Variants in MAP3K5 observed in about 807,000 individuals in gnomAD.
The protein encoded by MAP3K5 is ASK-1.
Under a neutral mutation model 158.7 loss-of-function variants are expected in MAP3K5, and 56 were observed. That is an observed-to-expected ratio of 0.35 (90% CI 0.28 to 0.44). MAP3K5 has a LOEUF of 0.44. MAP3K5 is among the 20% of genes least tolerant of loss of function. The pLI, the probability that MAP3K5 is intolerant of heterozygous loss-of-function variation, is 1.00. For synonymous variants in MAP3K5, 579 were observed against 601.7 expected, an observed-to-expected ratio of 0.96 and a Z score of 0.55; for missense variants, 1,294 against 1,674.8, an observed-to-expected ratio of 0.77 and a Z score of 3.97.
intron 11 of MAP3K5, among the ~76,000 whole-genome samples, chr6:136,644,850 T>C (rs986413852): frequency 6.6e-6 from 1 of 152,168 alleles, no homozygotes; most frequent in Admixed American, 6.5e-5. Flanking sequence ...CTTCTTGGAA[T>C]AGCTAGCTAC....
At chr6:136,688,591 T>C (rs761831939) in intron 7 of MAP3K5, among the ~76,000 whole-genome samples, 38 of 152,110 alleles carry the variant, frequency 2.5e-4, no homozygotes, top group South Asian at 2.1e-4. Context: ...CTAGGCTAAA[T>C]GGGAATTATT....
chr6:136,748,596 T>C (rs1294279113), intron 1 of MAP3K5, among the ~76,000 whole-genome samples: 2 of 152,122 alleles, frequency 1.3e-5, no homozygotes, highest in African/African-American at 4.8e-5. Flanking sequence ...TGAGAAAATA[T>C]ACAAAAGACT....
intron 21 of MAP3K5, among the ~76,000 whole-genome samples, chr6:136,598,988 T>A (rs565202265): frequency 6.6e-6 from 1 of 152,138 alleles, no homozygotes; most frequent in Non-Finnish European, 1.5e-5. Context: ...CTGGCCAACA[T>A]GGCGAAACCC....
rs562118888 is a variant in MAP3K5 at position 136,609,468 on chromosome 6, G to A, written c.2521+1814C>T. Among the ~76,000 whole-genome samples the A allele has an allele frequency of 5.3e-5, 8 of 152,152 alleles. No individual in the cohort carries two copies. The South Asian group carries it at 1.7e-3, about 32-fold the overall frequency. On this transcript the variant is annotated intron_variant, in intron 18 of 29. Coordinates refer to ENST00000359015, the MANE Select transcript of MAP3K5 (RefSeq NM_005923.4). The surrounding 1 kb of genome is among the most constrained non-coding windows in gnomAD (Gnocchi z 4.4). ...AGAGAAAGATGGACTAGAGCCAGAA[G>A]GTAAAAGCAAAGAGCAAACAGTAGA...
intron 7 of MAP3K5, among the ~76,000 whole-genome samples, chr6:136,679,764 T>C (rs2114585420): frequency 6.6e-6 from 1 of 152,334 alleles, no homozygotes; most frequent in Admixed American, 6.5e-5. Context: ...CATGTTACTA[T>C]TAAACATTTT....
At chr6:136,607,459 T>G (rs558594996) in intron 18 of MAP3K5, among the ~76,000 whole-genome samples, 46 of 152,300 alleles carry the variant, frequency 3.0e-4, no homozygotes, top group African/African-American at 1.1e-3. Context: ...TGCTCCTCTT[T>G]TTACTCCACA....
chr6:136,621,930 C>CA (rs1296797254), intron 15 of MAP3K5, among the ~76,000 whole-genome samples: 8 of 151,722 alleles, frequency 5.3e-5, no homozygotes, highest in African/African-American at 1.9e-4. Context: ...ATTAAAAATA[C>CA]AAAAAATTAG....
At chr6:136,680,548 GATCAAAGAACATGAA>G (rs1779889507) in intron 7 of MAP3K5, among the ~76,000 whole-genome samples, 1 of 152,082 alleles carries the variant, frequency 6.6e-6, no homozygotes, top group African/African-American at 2.4e-5. Flanking sequence ...GACAGAACTG[GATCAAAGAACATGAA>G]TTATTTCAAA....
intron 18 of MAP3K5, among the ~76,000 whole-genome samples, chr6:136,607,450 G>C (rs973359368): frequency 6.6e-6 from 1 of 152,102 alleles, no homozygotes; most frequent in African/African-American, 2.4e-5. Flanking sequence ...GTTCTTATCT[G>C]CTCCTCTTTT....
rs527340505 is a variant in MAP3K5 at position 136,648,254 on chromosome 6, G to A, written c.1788+2730C>T. 1.3e-3 allele frequency among the ~76,000 whole-genome samples: 204 copies of A among 152,298 alleles called. 3 individuals carry two copies. Among genetic ancestry groups the A allele is most frequent in the African/African-American group, 4.3e-3 (180 of 41,568 alleles). The stretch of plus-strand genomic sequence containing the variant: ...ACTTCTAATAATGAAAAAGAATCAA[G>A]CTTCTGACTCTGCACACAGTGGCAA... On this transcript the variant is annotated intron_variant, in intron 11 of 29. Transcript: ENST00000359015.
At chr6:136,658,455 C>T (rs890661918) in intron 9 of MAP3K5, among the ~76,000 whole-genome samples, 6 of 151,476 alleles carry the variant, frequency 4.0e-5, no homozygotes, top group Admixed American at 1.3e-4. Context: ...GCTGGGATTA[C>T]AGGCACCCGC....
intron 7 of MAP3K5, among the ~76,000 whole-genome samples, chr6:136,676,717 CA>C (rs1252620563): frequency 1.3e-5 from 2 of 151,426 alleles, no homozygotes; most frequent in African/African-American, 4.9e-5. Context: ...TTATTATTGC[CA>C]TATTTACATT....
At chr6:136,664,186 T>C (rs143770375) in intron 8 of MAP3K5, among the ~76,000 whole-genome samples, 3,253 of 152,224 alleles carry the variant, frequency 0.021, 92 homozygotes, top group African/African-American at 0.07. Flanking sequence ...TAGATTCTCA[T>C]AGGAGCGTGA....
At chr6:136,686,710 T>C (rs1407345092) in intron 7 of MAP3K5, among the ~76,000 whole-genome samples, 5 of 152,046 alleles carry the variant, frequency 3.3e-5, no homozygotes, top group African/African-American at 1.2e-4. Context: ...GGAATACAAT[T>C]TACAAGGGAT....
At chr6:136,692,957 A>C (rs1206386745) in intron 7 of MAP3K5, among the ~76,000 whole-genome samples, 3 of 151,204 alleles carry the variant, frequency 2.0e-5, no homozygotes, top group Non-Finnish European at 4.4e-5. Flanking sequence ...CCTTGTCTCA[A>C]AAAAAAAAGA....
intron 25 of MAP3K5, among the ~76,000 whole-genome samples, chr6:136,569,357 A>G (rs990204091): frequency 2.6e-5 from 4 of 152,140 alleles, no homozygotes; most frequent in Non-Finnish European, 5.9e-5. Context: ...TTAAGGTCCA[A>G]TAAGAGATTT....
At chr6:136,635,922 T>C (rs1365414658) in intron 14 of MAP3K5, among the ~76,000 whole-genome samples, 2 of 152,096 alleles carry the variant, frequency 1.3e-5, no homozygotes, top group Non-Finnish European at 1.5e-5. Context: ...TAAATTTTTT[T>C]CTCAACTGTT....
At chr6:136,648,480 T>G (rs896554383) in intron 11 of MAP3K5, among the ~76,000 whole-genome samples, 4 of 152,184 alleles carry the variant, frequency 2.6e-5, no homozygotes, top group Admixed American at 2.6e-4. Context: ...TCAGTGCTAC[T>G]AGATGGACTT....
intron 4 of MAP3K5, 107 bp from the exon 5 acceptor site, chr6:136,697,494 G>A (rs1482002187): frequency 1.0e-5 from 9 of 900,414 alleles, no homozygotes; most frequent in Non-Finnish European, 1.5e-5. Flanking sequence ...TAGCTATAAA[G>A]CATTTGTAGT....
Sources: allele counts gnomAD v4.1 joint callset (sites outside exome capture counted in the v4.1 genomes callset), GRCh38; gene constraint gnomAD v4.1.1; non-coding constraint Gnocchi (gnomAD v3.1); transcripts MANE v1.5; gene names NCBI Gene and HGNC (gene_info 2026-07-23, HGNC 2026-07-21).